SMARCA2: variants seen among roughly 807,000 people sequenced by gnomAD.
The protein encoded by SMARCA2 is SWI/SNF related BAF chromatin remodeling complex subunit ATPase 2.
A neutral mutation model predicts 199.8 loss-of-function variants in SMARCA2; 61 were observed. That is an observed-to-expected ratio of 0.31 (90% confidence interval 0.25 to 0.38). The LOEUF is 0.38. SMARCA2 is among the 10% of genes least tolerant of loss of function. The pLI, the probability that SMARCA2 is intolerant of heterozygous loss-of-function variation, is 1.00. For missense variants in SMARCA2, 1,344 were observed against 2,012.2 expected, an observed-to-expected ratio of 0.67 and a Z score of 6.35; for synonymous variants, 935 against 732.0, an observed-to-expected ratio of 1.28 and a Z score of -4.48.
At chr9:2,154,193 A>G (rs896171763) in intron 27 of SMARCA2, among the ~76,000 whole-genome samples, 4 of 152,190 alleles carry the variant, frequency 2.6e-5, no homozygotes, top group African/African-American at 9.6e-5. Context: ...TGTGAGGTTT[A>G]AATGACTAAA....
chr9:2,130,944 G>A (rs1823921388), intron 27 of SMARCA2, among the ~76,000 whole-genome samples: 1 of 152,252 alleles, frequency 6.6e-6, no homozygotes, highest in African/African-American at 2.4e-5. Context: ...ATTGAGCCAG[G>A]GGCTGTGCAA....
intron 27 of SMARCA2, among the ~76,000 whole-genome samples, chr9:2,125,760 G>A (rs897244154): frequency 5.3e-5 from 8 of 152,196 alleles, no homozygotes; most frequent in African/African-American, 1.9e-4. Context: ...AAAGTGCTGG[G>A]ATTACAGGCG....
chr9:2,053,866 A>C (rs897514511), intron 5 of SMARCA2, among the ~76,000 whole-genome samples: 1 of 152,224 alleles, frequency 6.6e-6, no homozygotes, highest in African/African-American at 2.4e-5. Flanking sequence ...CTTTATTATG[A>C]AGAAGTACAT....
chr9:2,074,228 T>A (rs972928706), intron 12 of SMARCA2, among the ~76,000 whole-genome samples: 4 of 152,052 alleles, frequency 2.6e-5, no homozygotes, highest in Admixed American at 2.0e-4. Flanking sequence ...ATCTTGGGTA[T>A]TTTTAATAGA....
At chr9:2,090,522 C>T (rs943516698) in intron 19 of SMARCA2, among the ~76,000 whole-genome samples, 1 of 152,130 alleles carries the variant, frequency 6.6e-6, no homozygotes, top group Admixed American at 6.5e-5. Context: ...CATCAGTGAA[C>T]TGGAAGATAA....
chr9:2,104,200 C>T lies in SMARCA2; in HGVS notation c.3292+31C>T, dbSNP rs769107737. The stretch of plus-strand genomic sequence containing the variant: ...TGCATAAGGCATTAGGCTCGGAAGC[C>T]ATACTACTGAAAATGAAGGGATAAT... On this transcript the variant is annotated intron_variant, in intron 23 of 33. Transcript: ENST00000349721. This position sits in a 1 kb window ranked among gnomAD's most constrained non-coding sequence, Gnocchi z 4.0. The T allele has an allele frequency of 1.9e-6, 3 of 1,587,010 alleles. No homozygotes were observed. The highest frequency in any genetic ancestry group is 2.3e-5 in the East Asian group (1 of 44,130).
At chr9:2,186,025 T>C in intron 31 of SMARCA2, 71 bp from the exon 32 acceptor site, 2 of 1,420,494 alleles carry the variant, frequency 1.4e-6, no homozygotes, top group Non-Finnish European at 2.0e-6. Flanking sequence ...GCTGGTGTAT[T>C]GCATAAGGAA....
chr9:2,084,536 T>G (rs551573594), intron 17 of SMARCA2, among the ~76,000 whole-genome samples: 1 of 152,246 alleles, frequency 6.6e-6, no homozygotes, highest in Middle Eastern at 3.4e-3. Flanking sequence ...GCTTTGCACA[T>G]TCTCGGGAAA....
At chr9:2,184,768 C>T (rs1350095712) in intron 31 of SMARCA2, among the ~76,000 whole-genome samples, 1 of 152,142 alleles carries the variant, frequency 6.6e-6, no homozygotes, top group Non-Finnish European at 1.5e-5. Context: ...CCTCATTTCT[C>T]ACCGCTGAAG....
chr9:2,086,730 A>C lies in SMARCA2; in HGVS notation c.2527-99A>C. ...GGTAATCACAGCATATCATATACCA[A>C]GGATGGGTTCTTTGGTTTTCCGCAC... On this transcript the variant is annotated intron_variant, in intron 17 of 33. Coordinates refer to ENST00000349721, the MANE Select transcript of SMARCA2 (RefSeq NM_003070.5). This position sits in a 1 kb window ranked among gnomAD's most constrained non-coding sequence, Gnocchi z 4.3. 7.5e-7 allele frequency: 1 copy of C among 1,332,828 alleles called. No homozygotes were observed. The allele number at this position is 1,332,828 out of a possible 1,614,324, so 82.6% of individuals were successfully genotyped here. A position where few individuals can be genotyped will look rare whatever the true frequency, so the allele number is the denominator to read the frequency against.
intron 28 of SMARCA2, among the ~76,000 whole-genome samples, chr9:2,164,366 A>G (rs1172992560): frequency 6.6e-6 from 1 of 152,160 alleles, no homozygotes; most frequent in Non-Finnish European, 1.5e-5. Context: ...AACCACCTGC[A>G]TTTGAATCCT....
At chr9:2,149,468 C>G (rs565944270) in intron 27 of SMARCA2, among the ~76,000 whole-genome samples, 1 of 151,410 alleles carries the variant, frequency 6.6e-6, no homozygotes, top group Admixed American at 6.6e-5. Context: ...TGCAGTGAGC[C>G]ACGAACATGC....
Position 2,047,416 on chromosome 9 carries a change from C to T in SMARCA2, c.978C>T (p.Ser326=), listed in dbSNP as rs775705639. 1.9e-6 allele frequency: 3 copies of T among 1,588,204 alleles called. No individual in the cohort carries two copies. Among genetic ancestry groups the T allele is most frequent in the Non-Finnish European group, 2.6e-6 (3 of 1,168,566 alleles). ...SPVLQLQQKQ[S]RISPIQKPQG... Reference sequence around the variant, plus strand: ...TCCTCCAGCTGCAGCAGAAGCAGAGCCGCATCAGCCCCATCCAGAAACCGC... The same window carrying T: ...TCCTCCAGCTGCAGCAGAAGCAGAGTCGCATCAGCCCCATCCAGAAACCGC... The change falls in exon 5 of 34, where the codon AGC becomes AGT. Residue 326 remains serine (S), a synonymous_variant. Transcript: ENST00000349721.
At chr9:2,154,696 G>A (rs925662043) in intron 27 of SMARCA2, among the ~76,000 whole-genome samples, 2 of 152,142 alleles carry the variant, frequency 1.3e-5, no homozygotes, top group African/African-American at 4.8e-5. Context: ...GTGCTTCCAA[G>A]TTGCCATTTG....
intron 31 of SMARCA2, among the ~76,000 whole-genome samples, chr9:2,185,271 TAG>T (rs988665559): frequency 7.9e-5 from 12 of 152,240 alleles, no homozygotes; most frequent in African/African-American, 2.7e-4. Context: ...AGTAGAATCA[TAG>T]AGTTACTTGT....
At chr9:2,111,491 C>CAAAAAAAAAAAAAA (rs148112929) in intron 24 of SMARCA2, among the ~76,000 whole-genome samples, 4 of 86,976 alleles carry the variant, frequency 4.6e-5, no homozygotes, top group African/African-American at 7.2e-5. Context: ...GACCGTGTCT[C>CAAAAAAAAAAAAAA]AAAAAAAAAA....
chr9:2,021,301 A>T (rs1041583319), intron 1 of SMARCA2, among the ~76,000 whole-genome samples: 11 of 152,316 alleles, frequency 7.2e-5, no homozygotes, highest in African/African-American at 2.6e-4. Context: ...CCCTCCTTTA[A>T]AAAAAACAAA....
At chr9:2,165,363 G>A (rs890554609) in intron 28 of SMARCA2, among the ~76,000 whole-genome samples, 2 of 152,168 alleles carry the variant, frequency 1.3e-5, no homozygotes, top group Non-Finnish European at 2.9e-5. Flanking sequence ...GATCATTTAT[G>A]TGTGTGTTCG....
At chr9:2,027,996 C>G (rs1170029386) in intron 1 of SMARCA2, among the ~76,000 whole-genome samples, 1 of 152,234 alleles carries the variant, frequency 6.6e-6, no homozygotes, top group Non-Finnish European at 1.5e-5. Flanking sequence ...CAGTTGTACC[C>G]ACTCTATGAG....
Sources: allele counts gnomAD v4.1 joint callset (sites outside exome capture counted in the v4.1 genomes callset), GRCh38; gene constraint gnomAD v4.1.1; non-coding constraint Gnocchi (gnomAD v3.1); transcripts MANE v1.5; gene names NCBI Gene and HGNC (gene_info 2026-07-23, HGNC 2026-07-21).